SPTB: variants seen among roughly 807,000 people sequenced by gnomAD.
SPTB encodes the protein spectrin beta, erythrocytic, also known as spectrin beta chain, erythrocytic.
In SPTB, 45 loss-of-function variants were observed where a neutral mutation model predicts 256.2. The observed-to-expected ratio is 0.18, with a 90% CI of 0.14 to 0.23. SPTB has a LOEUF of 0.23. Ranked by LOEUF, SPTB falls within the 10% of genes least tolerant of loss-of-function variation. The pLI is 1.00. For missense variants in SPTB, 2,715 were observed against 3,040.4 expected, an observed-to-expected ratio of 0.89 and a Z score of 2.52; for synonymous variants, 1,231 against 1,243.1, an observed-to-expected ratio of 0.99 and a Z score of 0.21.
In SPTB at chr14:64,791,864, G is replaced by T; in HGVS notation, c.2667-8C>A. On this transcript the variant is annotated splice_polypyrimidine_tract_variant and splice_region_variant and intron_variant, in intron 14 of 35. Transcript: ENST00000644917. ...TGGTCCAGGATGTCGAACCTGATAT[G>T]GGCAAAGGAAAATATGAGGATGGGT... 1 of 1,614,130 alleles carries T rather than the reference G, an allele frequency of 6.2e-7. No homozygotes were observed. Among genetic ancestry groups the T allele is most frequent in the Non-Finnish European group, 8.5e-7 (1 of 1,180,012 alleles).
chr14:64,827,623 C>T lies in SPTB; in HGVS notation c.-51-4478G>A, dbSNP rs2016522. ...TCCCTCTGATCATAATCGCATTGCA[C>T]ATTCACAGGTACCTTAAAGAATAGT... On this transcript the variant is annotated intron_variant, in intron 1 of 35. Coordinates refer to ENST00000644917, the MANE Select transcript of SPTB (RefSeq NM_001355436.2). This position sits in a 1 kb window ranked among gnomAD's most constrained non-coding sequence, Gnocchi z 4.6. 0.23 allele frequency among the ~76,000 whole-genome samples: 34,941 copies of T among 152,100 alleles called. 4,263 individuals are homozygous for T. The highest frequency in any genetic ancestry group is 0.29 in the African/African-American group (12,122 of 41,484).
At position 64,772,861 on chromosome 14, in the gene SPTB, T is replaced by C; in HGVS notation, c.5272A>G (p.Ile1758Val). 6.2e-7 allele frequency: 1 copy of C among 1,612,344 alleles called. No homozygotes were observed. The highest frequency in any genetic ancestry group is 8.5e-7 in the Non-Finnish European group (1 of 1,178,978). ...GCCGCCTCGCTGTGGCCCGCGTCGA[T>C]GAGTCGCTCGATGAAGGCATTCACA... ...DNVNAFIERLIDAGHSEAATI... is the reference protein window; with the variant it reads ...DNVNAFIERLVDAGHSEAATI... Residue 1758 changes from isoleucine (I) to valine (V), a missense_variant, in exon 26 of 36, where the codon ATC becomes GTC. Transcript: ENST00000644917. The surrounding 1 kb of genome is among the most constrained non-coding windows in gnomAD (Gnocchi z 5.4).
intron 30 of SPTB, 118 bp downstream of exon 30, chr14:64,767,545 C>T (rs1404706115): frequency 1.4e-6 from 2 of 1,447,556 alleles, no homozygotes; most frequent in African/African-American, 1.4e-5. Context: ...ATTGTCGCTG[C>T]TGGCCAAGCC....
chr14:64,874,977 T>G (rs1882741505), intron 1 of SPTB, among the ~76,000 whole-genome samples: 1 of 152,176 alleles, frequency 6.6e-6, no homozygotes, highest in African/African-American at 2.4e-5. Context: ...CTTGCTAAAT[T>G]TATAACATTC....
Position 64,786,303 on chromosome 14 carries a change from A to G in SPTB, c.3561+101T>C, listed in dbSNP as rs2082567196. The G allele has an allele frequency of 2.0e-6, 3 of 1,467,028 alleles. No individual in the cohort carries two copies. The highest frequency in any genetic ancestry group is 1.7e-4 in the Middle Eastern group (1 of 5,816). 90.9% of individuals were successfully genotyped at this position (1,467,028 alleles called of 1,614,324 possible). On this transcript the variant is annotated intron_variant, in intron 16 of 35. Coordinates refer to ENST00000644917, the MANE Select transcript of SPTB (RefSeq NM_001355436.2). The surrounding 1 kb of genome is among the most constrained non-coding windows in gnomAD (Gnocchi z 5.6). ...ATGAGTGAATACAGAGTACAAGACA[A>G]GAGTAATGTGGTCCCTGAGTCTTAC...
At chr14:64,821,025 A>C (rs2083277090) in intron 2 of SPTB, among the ~76,000 whole-genome samples, 1 of 152,118 alleles carries the variant, frequency 6.6e-6, no homozygotes, top group Non-Finnish European at 1.5e-5. Context: ...CAAGCAGCTC[A>C]TCAGACGTGG....
At chr14:64,804,241 G>A (rs1321640014) in intron 3 of SPTB, among the ~76,000 whole-genome samples, 2 of 152,204 alleles carry the variant, frequency 1.3e-5, no homozygotes, top group Non-Finnish European at 2.9e-5. Flanking sequence ...GTTCCCCATG[G>A]GTAACTCTCT....
Position 64,779,939 on chromosome 14 carries a change from A to G in SPTB, c.4267-8T>C. ...CACTTGGTCCTCCACTCGCTGAGAC[A>G]CAAGGGGACGGTGTCAGCACCAGCC... On this transcript the variant is annotated splice_region_variant and splice_polypyrimidine_tract_variant and intron_variant, in intron 20 of 35. Transcript: ENST00000644917. The surrounding 1 kb of genome is among the most constrained non-coding windows in gnomAD (Gnocchi z 4.2). 7 of 1,613,100 alleles carry G rather than the reference A, an allele frequency of 4.3e-6. No homozygotes were observed. Among genetic ancestry groups the G allele is most frequent in the Non-Finnish European group, 5.9e-6 (7 of 1,179,274 alleles).
chr14:64,849,485 A>C (rs939731781), intron 1 of SPTB, among the ~76,000 whole-genome samples: 2 of 152,216 alleles, frequency 1.3e-5, no homozygotes, highest in African/African-American at 4.8e-5. Flanking sequence ...ATATAATTGG[A>C]TATTCTGGCC....
At chr14:64,801,464 T>C in intron 6 of SPTB, 64 bp from the exon 7 acceptor site, 1 of 1,216,656 alleles carries the variant, frequency 8.2e-7, no homozygotes, top group Non-Finnish European at 1.2e-6. Flanking sequence ...AGGGCAGCCC[T>C]AGCATGAAGC....
intron 23 of SPTB, 47 bp from the exon 24 acceptor site, chr14:64,774,574 T>A (rs1226269949): frequency 1.5e-5 from 24 of 1,550,668 alleles, no homozygotes; most frequent in Non-Finnish European, 2.1e-5. Context: ...CTGGCCATGA[T>A]CCCTCCCTTG....
chr14:64,800,717 A>G (rs1555371619), intron 8 of SPTB, 39 bp downstream of exon 8: 22 of 1,563,378 alleles, frequency 1.4e-5, no homozygotes, highest in Non-Finnish European at 1.9e-5. Flanking sequence ...CCTGACAAAC[A>G]GGGGAAGAGT....
intron 1 of SPTB, among the ~76,000 whole-genome samples, chr14:64,856,909 T>C (rs892608825): frequency 1.3e-5 from 2 of 152,256 alleles, no homozygotes; most frequent in Non-Finnish European, 2.9e-5. Flanking sequence ...ACAAGTTCAC[T>C]GCCTCTGTGG....
chr14:64,765,142 T>C (rs894740466), intron 32 of SPTB, among the ~76,000 whole-genome samples: 4 of 152,008 alleles, frequency 2.6e-5, no homozygotes, highest in Non-Finnish European at 5.9e-5. Flanking sequence ...ACTATCTGTA[T>C]ATGTTTCTGG....
intron 1 of SPTB, among the ~76,000 whole-genome samples, chr14:64,863,589 G>T (rs965678831): frequency 6.6e-6 from 1 of 152,150 alleles, no homozygotes; most frequent in African/African-American, 2.4e-5. Flanking sequence ...CATGTCCTGA[G>T]GAGCAGCTGC....
chr14:64,795,717 C>T lies in SPTB; in HGVS notation c.1342-78G>A. 6.9e-7 allele frequency: 1 copy of T among 1,439,308 alleles called. No homozygotes were observed. Among genetic ancestry groups the T allele is most frequent in the Non-Finnish European group, 9.7e-7 (1 of 1,029,966 alleles). 89.2% of individuals were successfully genotyped at this position (1,439,308 alleles called of 1,614,324 possible). A position where few individuals can be genotyped will look rare whatever the true frequency, so the allele number is the denominator to read the frequency against. ...CCCCAAACTCAGGGACAGGGCAGCTCCCTTCAGAACCAGTGCTAGATGGGA... is the reference window on the plus strand; with the variant it reads ...CCCCAAACTCAGGGACAGGGCAGCTTCCTTCAGAACCAGTGCTAGATGGGA... On this transcript the variant is annotated intron_variant, in intron 11 of 35. Coordinates refer to ENST00000644917, the MANE Select transcript of SPTB (RefSeq NM_001355436.2). The surrounding 1 kb of genome is among the most constrained non-coding windows in gnomAD (Gnocchi z 6.5).
At position 64,774,643 on chromosome 14, in the gene SPTB, A is replaced by G. The variant is rs911280658; in HGVS notation, c.4843-116T>C. ...GGGAGGAGGGGAGTAGGCTTGTGGG[A>G]CACCCGCAGGAGAGCCACACATGCT... On this transcript the variant is annotated intron_variant, in intron 23 of 35. Coordinates refer to ENST00000644917, the MANE Select transcript of SPTB (RefSeq NM_001355436.2). 4.2e-5 allele frequency: 61 copies of G among 1,447,032 alleles called. 3 individuals carry two copies. The Admixed American group carries it at 1.2e-3, about 29-fold the overall frequency. 89.6% of individuals were successfully genotyped at this position (1,447,032 alleles called of 1,614,324 possible). A position where few individuals can be genotyped will look rare whatever the true frequency, so the allele number is the denominator to read the frequency against.
In SPTB at chr14:64,844,019, A is replaced by T. The variant is rs1475253897; in HGVS notation, c.-51-20874T>A. ...GTGTTTTATCAAATTGTTTTTAATT[A>T]TAAAAGTGACATATGCCAGGTCTTT... On this transcript the variant is annotated intron_variant, in intron 1 of 35. Coordinates refer to ENST00000644917, the MANE Select transcript of SPTB (RefSeq NM_001355436.2). The surrounding 1 kb of genome is among the most constrained non-coding windows in gnomAD (Gnocchi z 4.1). Among the ~76,000 whole-genome samples, 1 of 152,194 alleles carries T rather than the reference A, an allele frequency of 6.6e-6. No homozygotes were observed. Among genetic ancestry groups the T allele is most frequent in the Middle Eastern group, 3.2e-3 (1 of 316 alleles).
chr14:64,770,550 G>A (rs537995787), intron 27 of SPTB, among the ~76,000 whole-genome samples: 7 of 152,198 alleles, frequency 4.6e-5, no homozygotes, highest in Non-Finnish European at 8.8e-5. Flanking sequence ...AGAAGAATGC[G>A]CAGTCTTAGA....
Sources: allele counts gnomAD v4.1 joint callset (sites outside exome capture counted in the v4.1 genomes callset), GRCh38; gene constraint gnomAD v4.1.1; non-coding constraint Gnocchi (gnomAD v3.1); transcripts MANE v1.5; gene names NCBI Gene and HGNC (gene_info 2026-07-23, HGNC 2026-07-21).